PIBF1: variants seen among roughly 807,000 people sequenced by gnomAD.
PIBF1 encodes progesterone immunomodulatory binding factor 1, also known as progesterone-induced-blocking factor 1.
Under a neutral mutation model 112.5 loss-of-function variants are expected in PIBF1, and 90 were observed. The observed-to-expected ratio is 0.80, with a 90% CI of 0.67 to 0.95. The LOEUF (loss-of-function observed/expected upper bound fraction) is 0.95. PIBF1 is among the 40% of genes least tolerant of loss of function. The pLI is 0.00. For synonymous variants in PIBF1, 301 were observed against 288.6 expected (o/e 1.04, Z -0.44); for missense variants, 915 against 852.3 (o/e 1.07, Z -0.92).
chr13:72,871,881 G>A (rs1185434342), intron 10 of PIBF1, among the ~76,000 whole-genome samples: 1 of 152,130 alleles, frequency 6.6e-6, no homozygotes, highest in Non-Finnish European at 1.5e-5. Context: ...GTAAGGGAAT[G>A]CTTATTTTAA....
chr13:72,921,207 A>AT (rs2041277098), intron 13 of PIBF1, among the ~76,000 whole-genome samples: 1 of 152,036 alleles, frequency 6.6e-6, no homozygotes, highest in African/African-American at 2.4e-5. Flanking sequence ...GGTTCAAGCA[A>AT]TTCTCCTGCC....
rs373417844 is a variant in PIBF1, at chr13:72,923,716, G to T, written c.1730+6550G>T. On this transcript the variant is annotated intron_variant, in intron 13 of 17. Transcript: ENST00000326291. Reference sequence around the variant, plus strand: ...ACGGTGGCTCACGCCTATAATCCCAGCACTTTGGGATGCTGAGGCAGGTGA... The same window carrying T: ...ACGGTGGCTCACGCCTATAATCCCATCACTTTGGGATGCTGAGGCAGGTGA... Among the ~76,000 whole-genome samples the T allele has an allele frequency of 2.1e-4, 32 of 152,298 alleles. No individual in the cohort carries two copies. The East Asian group carries it at 5.4e-3, about 26-fold the overall frequency.
intron 14 of PIBF1, among the ~76,000 whole-genome samples, chr13:72,936,884 C>A (rs2041884951): frequency 6.6e-6 from 1 of 152,052 alleles, no homozygotes; most frequent in South Asian, 2.1e-4. Context: ...AAATTGACAT[C>A]TTAATATTGA....
chr13:72,921,699 C>A (rs1370991435), intron 13 of PIBF1, among the ~76,000 whole-genome samples: 1 of 152,028 alleles, frequency 6.6e-6, no homozygotes, highest in Non-Finnish European at 1.5e-5. Flanking sequence ...TGAAAAATAT[C>A]ATTAGTTGCC....
chr13:72,904,864 G>A (rs956206480), intron 11 of PIBF1, among the ~76,000 whole-genome samples: 11 of 151,716 alleles, frequency 7.3e-5, no homozygotes, highest in Admixed American at 2.0e-4. Context: ...TTTTTTTAAT[G>A]TCTAAGGTGA....
At chr13:72,936,682 C>A (rs1345894821) in intron 14 of PIBF1, among the ~76,000 whole-genome samples, 1 of 152,124 alleles carries the variant, frequency 6.6e-6, no homozygotes, top group East Asian at 1.9e-4. Context: ...ATCTTGATTG[C>A]TGTAGCTTTA....
At chr13:72,990,087 A>T (rs2043424804) in intron 16 of PIBF1, among the ~76,000 whole-genome samples, 1 of 151,540 alleles carries the variant, frequency 6.6e-6, no homozygotes, top group South Asian at 2.1e-4. Flanking sequence ...GGTGGTGCAC[A>T]CCTGTAGTCT....
chr13:72,785,742 G>A (rs765836693), intron 2 of PIBF1, among the ~76,000 whole-genome samples: 1 of 152,018 alleles, frequency 6.6e-6, no homozygotes, highest in Non-Finnish European at 1.5e-5. Flanking sequence ...AGAAACCTGA[G>A]GTTATCTCCC....
chr13:72,852,981 C>T (rs2038235723), intron 9 of PIBF1, among the ~76,000 whole-genome samples: 1 of 151,558 alleles, frequency 6.6e-6, no homozygotes, highest in Admixed American at 6.6e-5. Context: ...ACATAAAGGG[C>T]TTTGTAGGGA....
At chr13:72,902,742 A>G (rs1478948594) in intron 11 of PIBF1, among the ~76,000 whole-genome samples, 2 of 152,208 alleles carry the variant, frequency 1.3e-5, no homozygotes, top group Non-Finnish European at 2.9e-5. Flanking sequence ...TGCTGTGTCC[A>G]TGCACTGCAT....
chr13:72,806,692 G>A (rs938472321), intron 5 of PIBF1, among the ~76,000 whole-genome samples: 2 of 152,168 alleles, frequency 1.3e-5, no homozygotes, highest in Non-Finnish European at 2.9e-5. Flanking sequence ...TCCCTGCAAA[G>A]GACATTAACT....
At chr13:72,865,710 G>A (rs1360945622) in intron 10 of PIBF1, among the ~76,000 whole-genome samples, 1 of 152,164 alleles carries the variant, frequency 6.6e-6, no homozygotes. Flanking sequence ...TACTAGAAAC[G>A]GAGCCATAAT....
intron 13 of PIBF1, among the ~76,000 whole-genome samples, chr13:72,928,404 G>A (rs1320743652): frequency 2.0e-5 from 3 of 152,072 alleles, no homozygotes; most frequent in African/African-American, 7.2e-5. Context: ...TTTGAAGAAA[G>A]TAGTCCTGGT....
intron 9 of PIBF1, among the ~76,000 whole-genome samples, chr13:72,847,341 A>C (rs1451730898): frequency 6.6e-6 from 1 of 152,240 alleles, no homozygotes; most frequent in Non-Finnish European, 1.5e-5. Flanking sequence ...TATAATGAAC[A>C]GAAGTTTATT....
intron 5 of PIBF1, among the ~76,000 whole-genome samples, chr13:72,804,944 G>A (rs1037127219): frequency 6.6e-6 from 1 of 152,124 alleles, no homozygotes; most frequent in Admixed American, 6.5e-5. Flanking sequence ...CAAGGTCCAT[G>A]ATATATAGCT....
At chr13:72,790,476 TCA>T (rs1400557712) in intron 2 of PIBF1, among the ~76,000 whole-genome samples, 6 of 135,048 alleles carry the variant, frequency 4.4e-5, no homozygotes, top group African/African-American at 9.1e-5. Flanking sequence ...TATAGATAGA[TCA>T]CACACACCCT....
At chr13:72,847,192 C>T (rs2037914935) in intron 9 of PIBF1, among the ~76,000 whole-genome samples, 1 of 152,164 alleles carries the variant, frequency 6.6e-6, no homozygotes, top group African/African-American at 2.4e-5. Flanking sequence ...TATAATTTTT[C>T]AACCATAATT....
intron 17 of PIBF1, among the ~76,000 whole-genome samples, chr13:73,007,666 G>A (rs1397570279): frequency 4.6e-5 from 7 of 151,906 alleles, no homozygotes; most frequent in South Asian, 2.1e-4. Flanking sequence ...AAAATTAGCC[G>A]GGCGTGGTGG....
chr13:72,792,043 C>A (rs929905306), intron 2 of PIBF1, among the ~76,000 whole-genome samples: 2 of 151,954 alleles, frequency 1.3e-5, no homozygotes, highest in African/African-American at 4.8e-5. Flanking sequence ...TGCCTGTAAT[C>A]CCAGCATTTT....
Sources: allele counts gnomAD v4.1 joint callset (sites outside exome capture counted in the v4.1 genomes callset), GRCh38; gene constraint gnomAD v4.1.1; transcripts MANE v1.5; gene names NCBI Gene and HGNC (gene_info 2026-07-23, HGNC 2026-07-21).